Variants in CUL3 observed in about 807,000 individuals in gnomAD.
CUL3 encodes the protein cullin-3.
CUL3 carries 19 observed loss-of-function variants against 89.1 expected under a neutral mutation model. That is an observed-to-expected ratio of 0.21 (90% CI 0.15 to 0.31). The LOEUF (loss-of-function observed/expected upper bound fraction) is 0.31. CUL3 is among the 10% of genes least tolerant of loss of function. The pLI is 1.00. For synonymous variants in CUL3, 351 were observed against 308.4 expected, an observed-to-expected ratio of 1.14 and a Z score of -1.45; for missense variants, 469 against 942.3, an observed-to-expected ratio of 0.50 and a Z score of 6.58.
intron 1 of CUL3, among the ~76,000 whole-genome samples, chr2:224,561,818 C>T (rs1469454223): frequency 4.6e-5 from 7 of 152,160 alleles, no homozygotes; most frequent in Admixed American, 4.6e-4. Context: ...TACGTACGTG[C>T]AATGTGGTTT....
chr2:224,584,664 C>A (rs1337193406), intron 1 of CUL3, among the ~76,000 whole-genome samples: 1 of 150,988 alleles, frequency 6.6e-6, no homozygotes, highest in East Asian at 2.0e-4. Flanking sequence ...CCGAGGGGCC[C>A]CGGCCGCAGC....
chr2:224,471,423 A>C lies in CUL3; in HGVS notation c.*2822T>G, dbSNP rs912901233. Reference sequence around the variant, plus strand: ...AAACCTAAGATGATGCCAGTGTACTAGTCTTCTAGAGATGTAGGCATAATC... The same window carrying C: ...AAACCTAAGATGATGCCAGTGTACTCGTCTTCTAGAGATGTAGGCATAATC... On this transcript the variant is annotated 3_prime_UTR_variant, in exon 16 of 16. Coordinates refer to ENST00000264414, the MANE Select transcript of CUL3 (RefSeq NM_003590.5). The C allele has an allele frequency of 1.5e-5, 3 of 198,058 alleles. No homozygotes were observed. The highest frequency in any genetic ancestry group is 6.9e-5 in the African/African-American group (3 of 43,474). 12.3% of individuals were successfully genotyped at this position (198,058 alleles called of 1,614,324 possible).
chr2:224,478,215 A>G lies in CUL3; in HGVS notation c.2160T>C (p.Asn720=), dbSNP rs1485471356. 6.2e-7 allele frequency: 1 copy of G among 1,613,032 alleles called. No individual in the cohort carries two copies. The highest frequency in any genetic ancestry group is 1.7e-5 in the Admixed American group (1 of 59,980). ...GAGTCCTCACCTCCGCTACTAGAAC[A>G]TTGTGCTGCATCTTCTTTCTAGATT... ...IMKSRKKMQH[N]VLVAEVTQQL... Residue 720 remains asparagine (N), a synonymous_variant, in exon 15 of 16, where the codon AAT becomes AAC. Coordinates refer to ENST00000264414, the MANE Select transcript of CUL3 (RefSeq NM_003590.5).
intron 2 of CUL3, among the ~76,000 whole-genome samples, chr2:224,549,722 C>T (rs1486627010): frequency 6.6e-6 from 1 of 152,062 alleles, no homozygotes; most frequent in Non-Finnish European, 1.5e-5. Context: ...GTTTGAATCC[C>T]AAATAGGAAC....
Position 224,547,603 on chromosome 2 carries a change from G to A in CUL3, c.264+10056C>T, listed in dbSNP as rs1694352411. On this transcript the variant is annotated intron_variant, in intron 2 of 15. Coordinates refer to ENST00000264414, the MANE Select transcript of CUL3 (RefSeq NM_003590.5). ...AGAATCATGTCTTATTTATTTTTGGGTGGCTGAAACATAGGAGAAACTCAA... is the reference window on the plus strand; with the variant it reads ...AGAATCATGTCTTATTTATTTTTGGATGGCTGAAACATAGGAGAAACTCAA... Among the ~76,000 whole-genome samples the A allele has an allele frequency of 1.3e-5, 2 of 151,956 alleles. 1 individual carries two copies. Among genetic ancestry groups the A allele is most frequent in the African/African-American group, 4.8e-5 (2 of 41,350 alleles).
chr2:224,506,269 TA>T, intron 7 of CUL3, 137 bp from the exon 8 acceptor site: 1 of 598,446 alleles, frequency 1.7e-6, no homozygotes, highest in Non-Finnish European at 2.8e-6. Flanking sequence ...GTTTTGATAT[TA>T]TTTTCAAGCC....
At chr2:224,476,214 G>A (rs982188059) in intron 15 of CUL3, among the ~76,000 whole-genome samples, 8 of 151,876 alleles carry the variant, frequency 5.3e-5, no homozygotes, top group South Asian at 2.1e-4. Flanking sequence ...ACGGGGTTTC[G>A]CTGTGTTTGT....
chr2:224,483,859 T>C (rs1220243609), intron 13 of CUL3, among the ~76,000 whole-genome samples: 1 of 152,158 alleles, frequency 6.6e-6, no homozygotes, highest in African/African-American at 2.4e-5. Context: ...CAAAAGCAAA[T>C]TTCTAGAAAT....
intron 13 of CUL3, among the ~76,000 whole-genome samples, chr2:224,490,823 T>C (rs1366410615): frequency 6.6e-6 from 1 of 152,148 alleles, no homozygotes; most frequent in Non-Finnish European, 1.5e-5. Flanking sequence ...TAAATAATGT[T>C]AACTTGTATA....
intron 13 of CUL3, among the ~76,000 whole-genome samples, chr2:224,483,026 TA>T (rs369553076): frequency 0.012 from 1,761 of 152,276 alleles, 32 homozygotes; most frequent in African/African-American, 0.04. Context: ...TCTGTTCTCC[TA>T]AAAAACTGTC....
At chr2:224,493,530 A>G (rs552615013) in intron 13 of CUL3, among the ~76,000 whole-genome samples, 31 of 152,362 alleles carry the variant, frequency 2.0e-4, no homozygotes, top group African/African-American at 6.7e-4. Context: ...CTAAAGTTGG[A>G]AAACTTACAG....
At chr2:224,491,545 T>C (rs1002809140) in intron 13 of CUL3, among the ~76,000 whole-genome samples, 1 of 152,236 alleles carries the variant, frequency 6.6e-6, no homozygotes, top group Non-Finnish European at 1.5e-5. Flanking sequence ...TCCTGATACT[T>C]ATGAATTTCA....
At chr2:224,584,541 G>A (rs1048336638) in intron 1 of CUL3, among the ~76,000 whole-genome samples, 1 of 151,966 alleles carries the variant, frequency 6.6e-6, no homozygotes, top group Non-Finnish European at 1.5e-5. Flanking sequence ...AAAGTGTAGC[G>A]AAACCCCACG....
chr2:224,513,120 A>G (rs1245625045), intron 5 of CUL3, among the ~76,000 whole-genome samples: 1 of 152,220 alleles, frequency 6.6e-6, no homozygotes, highest in Non-Finnish European at 1.5e-5. Context: ...TAAGAGTACA[A>G]TATGCAATAC....
At chr2:224,501,903 T>C (rs1003498880) in intron 10 of CUL3, among the ~76,000 whole-genome samples, 10 of 152,082 alleles carry the variant, frequency 6.6e-5, no homozygotes, top group Non-Finnish European at 1.3e-4. Flanking sequence ...AACAAAAAAA[T>C]ACAAGAAAAT....
chr2:224,495,482 G>C (rs1692138889), intron 13 of CUL3: 1 of 162,860 alleles, frequency 6.1e-6, no homozygotes, highest in African/African-American at 2.4e-5. Flanking sequence ...GGAGGTGGTA[G>C]GAGGGAATAG....
intron 2 of CUL3, among the ~76,000 whole-genome samples, chr2:224,538,448 A>G (rs1171676736): frequency 2.6e-5 from 4 of 152,174 alleles, no homozygotes; most frequent in Non-Finnish European, 5.9e-5. Context: ...AACATCTTAT[A>G]AAAAAATTGA....
intron 1 of CUL3, among the ~76,000 whole-genome samples, chr2:224,562,503 T>C (rs943061715): frequency 3.3e-5 from 5 of 151,892 alleles, no homozygotes; most frequent in African/African-American, 7.3e-5. Context: ...CCGGATGTGG[T>C]GGTGCGTGCC....
In CUL3 at chr2:224,511,522, C is replaced by T. The variant is rs2106215959; in HGVS notation, c.715G>A (p.Ala239Thr). The stretch of plus-strand genomic sequence containing the variant: ...CGTTCTATTTCTTCATTAATTCTAG[C>T]TTCTACTTTCTTTATATATACTGAA... ...SASVYIKKVEARINEEIERVM... is the reference protein window; with the variant it reads ...SASVYIKKVETRINEEIERVM... Residue 239 changes from alanine to threonine, a missense_variant, in exon 6 of 16, where the codon GCT becomes ACT. Transcript: ENST00000264414. The T allele has an allele frequency of 2.5e-6, 4 of 1,613,692 alleles. No homozygotes were observed. The highest frequency in any genetic ancestry group is 3.4e-6 in the Non-Finnish European group (4 of 1,179,774).
Sources: gnomAD v4.1 joint callset for allele counts (sites outside exome capture counted in the v4.1 genomes callset) on GRCh38, gnomAD v4.1.1 for gene constraint, MANE v1.5 for transcripts, NCBI Gene and HGNC (gene_info 2026-07-23, HGNC 2026-07-21) for gene names.